Variants in SPPL3 observed in about 807,000 individuals in gnomAD.
SPPL3 encodes signal peptide peptidase like 3, also known as signal peptide peptidase-like 3.
In SPPL3, 5 loss-of-function variants were observed where a neutral mutation model predicts 42.4. That is an observed-to-expected ratio of 0.12 (90% CI 0.06 to 0.25). SPPL3 has a LOEUF of 0.25. SPPL3 is among the 10% of genes least tolerant of loss of function. The pLI is 1.00. For synonymous variants in SPPL3, 195 were observed against 181.8 expected (o/e 1.07, Z -0.58); for missense variants, 235 against 489.0 (o/e 0.48, Z 4.90).
rs369157381 is a variant in SPPL3, at chr12:120,898,774, C to CT, written c.23+5070dup. 5.9e-3 allele frequency among the ~76,000 whole-genome samples: 899 copies of CT among 152,306 alleles called. 11 individuals carry two copies. The highest frequency in any genetic ancestry group is 0.019 in the African/African-American group (810 of 41,562). On this transcript the variant is annotated intron_variant, in intron 1 of 10. Transcript: ENST00000353487. Reference sequence around the variant, plus strand: ...ACCATTTACATCCTTGGGCAAGTTACTTACATGCTTTGAGCCTCAATTTCC... The same window carrying CT: ...ACCATTTACATCCTTGGGCAAGTTACTTTACATGCTTTGAGCCTCAATTTCC...
intron 1 of SPPL3, among the ~76,000 whole-genome samples, chr12:120,843,220 A>AT (rs1423002591): frequency 3.3e-5 from 5 of 152,342 alleles, no homozygotes; most frequent in Middle Eastern, 3.4e-3. Context: ...TTCACATTAG[A>AT]TAAAAAGTAC....
intron 1 of SPPL3, among the ~76,000 whole-genome samples, chr12:120,848,140 G>A (rs985512344): frequency 2.6e-5 from 4 of 152,194 alleles, no homozygotes; most frequent in African/African-American, 7.2e-5. Flanking sequence ...CTCAGCAGCC[G>A]AATCTATTAA....
At chr12:120,857,920 T>C (rs1872513308) in intron 1 of SPPL3, among the ~76,000 whole-genome samples, 1 of 152,178 alleles carries the variant, frequency 6.6e-6, no homozygotes, top group African/African-American at 2.4e-5. Flanking sequence ...ATGGCACATC[T>C]TTGCCTATGT....
At chr12:120,779,479 TAAA>T (rs1869447135) in intron 6 of SPPL3, among the ~76,000 whole-genome samples, 1 of 152,232 alleles carries the variant, frequency 6.6e-6, no homozygotes, top group Admixed American at 6.5e-5. Context: ...ATTCTTCCCT[TAAA>T]AATTCTTTGG....
At chr12:120,817,688 T>C (rs1870927957) in intron 1 of SPPL3, among the ~76,000 whole-genome samples, 1 of 152,190 alleles carries the variant, frequency 6.6e-6, no homozygotes. Flanking sequence ...CTTTATCCCA[T>C]ATTTGTTTAT....
chr12:120,826,321 G>A lies in SPPL3; in HGVS notation c.24-15435C>T, dbSNP rs191329113. On this transcript the variant is annotated intron_variant, in intron 1 of 10. Transcript: ENST00000353487. ...AAAAAAAAAAAAAAAAGAAAGCAGG[G>A]CAAGAGTCAAAATTTCCATGGGTTA... 2.8e-4 allele frequency among the ~76,000 whole-genome samples: 42 copies of A among 150,126 alleles called. No homozygotes were observed. The Middle Eastern group carries it at 0.011, about 38-fold the overall frequency.
At chr12:120,880,205 A>T (rs1481566948) in intron 1 of SPPL3, among the ~76,000 whole-genome samples, 2 of 152,070 alleles carry the variant, frequency 1.3e-5, no homozygotes, top group African/African-American at 4.8e-5. Context: ...ATGGTACACT[A>T]CTATCCTATT....
chr12:120,889,930 T>C (rs768195189), intron 1 of SPPL3, among the ~76,000 whole-genome samples: 3 of 152,192 alleles, frequency 2.0e-5, no homozygotes, highest in Admixed American at 1.3e-4. Context: ...ACATCCCATA[T>C]TCTTCCACCT....
At chr12:120,889,048 G>A (rs987851389) in intron 1 of SPPL3, among the ~76,000 whole-genome samples, 2 of 152,038 alleles carry the variant, frequency 1.3e-5, no homozygotes, top group Middle Eastern at 3.4e-3. Flanking sequence ...CCCTGACCTC[G>A]GGTGAACTGC....
At chr12:120,807,949 A>AT (rs11460034) in intron 2 of SPPL3, among the ~76,000 whole-genome samples, 68,798 of 151,888 alleles carry the variant, frequency 0.45, 17,661 homozygotes, top group Middle Eastern at 0.63. Context: ...GCCTTATTAA[A>AT]TTATAAAAGA....
At chr12:120,768,797 C>T (rs769132032) in intron 7 of SPPL3, among the ~76,000 whole-genome samples, 156 bp downstream of exon 7, 6 of 152,212 alleles carry the variant, frequency 3.9e-5, no homozygotes, top group Admixed American at 1.3e-4. Context: ...ACAAAAGGAT[C>T]GGACTGCACA....
intron 2 of SPPL3, among the ~76,000 whole-genome samples, chr12:120,805,224 G>A (rs1870448015): frequency 6.6e-6 from 1 of 152,014 alleles, no homozygotes; most frequent in African/African-American, 2.4e-5. Flanking sequence ...CAAACTTTAT[G>A]GTATTTATCT....
chr12:120,782,617 A>C (rs746565454), intron 6 of SPPL3, 38 bp downstream of exon 6: 3 of 1,437,864 alleles, frequency 2.1e-6, no homozygotes, highest in Non-Finnish European at 2.9e-6. Flanking sequence ...AAAACTCTAT[A>C]AAGTAAAATT....
chr12:120,789,050 T>C (rs1404340250), intron 3 of SPPL3, among the ~76,000 whole-genome samples: 1 of 152,236 alleles, frequency 6.6e-6, no homozygotes, highest in Non-Finnish European at 1.5e-5. Context: ...GAAGTGAATT[T>C]TGCAGTCTAT....
chr12:120,901,806 A>C, intron 1 of SPPL3: 1 of 774,228 alleles, frequency 1.3e-6, no homozygotes, highest in Non-Finnish European at 1.6e-6. Flanking sequence ...GTAAATTGTC[A>C]AACTTCACAA....
At chr12:120,774,610 C>T (rs1014107225) in intron 6 of SPPL3, among the ~76,000 whole-genome samples, 2 of 152,086 alleles carry the variant, frequency 1.3e-5, no homozygotes, top group African/African-American at 4.8e-5. Context: ...TTTTGACTGT[C>T]TCAGAGAAGG....
intron 2 of SPPL3, among the ~76,000 whole-genome samples, chr12:120,792,356 T>G (rs887435183): frequency 5.3e-5 from 8 of 152,176 alleles, no homozygotes; most frequent in Non-Finnish European, 7.3e-5. Flanking sequence ...TTCTTTTTTT[T>G]TGTGAAGTAT....
At chr12:120,851,108 C>G in intron 1 of SPPL3, among the ~76,000 whole-genome samples, 1 of 152,132 alleles carries the variant, frequency 6.6e-6, no homozygotes, top group Non-Finnish European at 1.5e-5. Context: ...GTATACTTAC[C>G]TACAGTATCT....
At chr12:120,889,792 G>T (rs898890991) in intron 1 of SPPL3, among the ~76,000 whole-genome samples, 2 of 123,000 alleles carry the variant, frequency 1.6e-5, no homozygotes, top group Non-Finnish European at 3.8e-5. Context: ...ATTAAATAGT[G>T]ATTGTTATGA....
Sources: allele counts gnomAD v4.1 joint callset (sites outside exome capture counted in the v4.1 genomes callset), GRCh38; gene constraint gnomAD v4.1.1; transcripts MANE v1.5; gene names NCBI Gene and HGNC (gene_info 2026-07-23, HGNC 2026-07-21).